The following FIGN variants were observed in gnomAD, a reference collection of about 807,000 sequenced individuals.
The protein encoded by FIGN is fidgetin, microtubule severing factor.
Under a neutral mutation model 51.3 loss-of-function variants are expected in FIGN, and 11 were observed. The ratio of observed to expected loss-of-function variants is 0.21; its 90% confidence interval spans 0.13 to 0.35. The LOEUF is 0.35. FIGN is among the 10% of genes least tolerant of loss of function. The pLI, the probability that FIGN is intolerant of heterozygous loss-of-function variation, is 1.00. For missense variants in FIGN, 857 were observed against 943.6 expected (o/e 0.91, Z 1.20); for synonymous variants, 407 against 363.2 (o/e 1.12, Z -1.37).
chr2:163,694,177 TG>T (rs1475530607), intron 2 of FIGN, among the ~76,000 whole-genome samples: 7 of 152,196 alleles, frequency 4.6e-5, no homozygotes, highest in Admixed American at 2.6e-4. Flanking sequence ...CAAAGATGCA[TG>T]CTCACCAGAG....
chr2:163,664,495 T>C (rs569617852), intron 2 of FIGN, among the ~76,000 whole-genome samples: 1 of 152,342 alleles, frequency 6.6e-6, no homozygotes, highest in East Asian at 1.9e-4. Flanking sequence ...CCATTAGTTC[T>C]TTCCCCGTCT....
intron 2 of FIGN, among the ~76,000 whole-genome samples, chr2:163,690,829 T>G (rs1684229080): frequency 6.6e-6 from 1 of 152,058 alleles, no homozygotes; most frequent in Non-Finnish European, 1.5e-5. Context: ...AATTTTAAAG[T>G]CATTGGAATT....
chr2:163,704,579 T>C (rs1424431089), intron 2 of FIGN, among the ~76,000 whole-genome samples: 1 of 150,834 alleles, frequency 6.6e-6, no homozygotes, highest in Non-Finnish European at 1.5e-5. Context: ...TTTGCCTTAA[T>C]ATTCCAATCT....
chr2:163,698,611 T>A (rs1189156536), intron 2 of FIGN, among the ~76,000 whole-genome samples: 1 of 152,120 alleles, frequency 6.6e-6, no homozygotes, highest in East Asian at 1.9e-4. Flanking sequence ...AATTTGAATC[T>A]CTGAATACAT....
chr2:163,677,176 T>C (rs942142405), intron 2 of FIGN, among the ~76,000 whole-genome samples: 3 of 152,194 alleles, frequency 2.0e-5, no homozygotes, highest in Non-Finnish European at 4.4e-5. Context: ...TGAAAGATGA[T>C]ATGGCTTATT....
intron 2 of FIGN, among the ~76,000 whole-genome samples, chr2:163,679,438 G>A (rs1359181733): frequency 6.6e-6 from 1 of 151,876 alleles, no homozygotes; most frequent in Non-Finnish European, 1.5e-5. Flanking sequence ...AGAGCTTGCA[G>A]TGAGCAGAGA....
At chr2:163,631,861 A>G (rs1336758886) in intron 2 of FIGN, among the ~76,000 whole-genome samples, 2 of 152,146 alleles carry the variant, frequency 1.3e-5, no homozygotes, top group Non-Finnish European at 2.9e-5. Flanking sequence ...TAAATATTTA[A>G]GGTAGGCTGG....
At chr2:163,705,555 T>A (rs529558451) in intron 2 of FIGN, among the ~76,000 whole-genome samples, 1 of 152,056 alleles carries the variant, frequency 6.6e-6, no homozygotes, top group South Asian at 2.1e-4. Flanking sequence ...AAAAAATACA[T>A]AAGTTGACAA....
Position 163,638,599 on chromosome 2 carries a change from T to C in FIGN, c.26-26793A>G, listed in dbSNP as rs1683261491. Among the ~76,000 whole-genome samples the C allele has an allele frequency of 4.6e-5, 7 of 152,302 alleles. No individual in the cohort carries two copies. The South Asian group carries it at 1.4e-3, about 32-fold the overall frequency. On this transcript the variant is annotated intron_variant, in intron 2 of 2. Coordinates refer to ENST00000333129, the MANE Select transcript of FIGN (RefSeq NM_018086.4). ...CAGGCACAAGCAAAAGGAAGAAATA[T>C]CAATTCCATTTGTTTGGAAGATGAA...
At chr2:163,725,929 G>A (rs949762111) in intron 2 of FIGN, among the ~76,000 whole-genome samples, 2 of 151,948 alleles carry the variant, frequency 1.3e-5, no homozygotes, top group Non-Finnish European at 2.9e-5. Context: ...TTTCTAAAGA[G>A]ATACCAGCTC....
intron 1 of FIGN, 111 bp from the exon 2 acceptor site, chr2:163,735,183 C>G (rs552782270): frequency 2.0e-6 from 1 of 487,910 alleles, no homozygotes; most frequent in Non-Finnish European, 3.6e-6. Flanking sequence ...AAGTCCATGT[C>G]AATTTCACTC....
intron 2 of FIGN, among the ~76,000 whole-genome samples, chr2:163,704,445 A>G (rs1168646081): frequency 6.6e-6 from 1 of 152,052 alleles, no homozygotes; most frequent in African/African-American, 2.4e-5. Flanking sequence ...TGTGACATTA[A>G]GCTAAATCTG....
intron 2 of FIGN, among the ~76,000 whole-genome samples, chr2:163,711,323 G>A (rs1053264078): frequency 6.6e-6 from 1 of 152,092 alleles, no homozygotes; most frequent in Non-Finnish European, 1.5e-5. Flanking sequence ...ATTGTCATGG[G>A]TAGTGAAACA....
chr2:163,661,740 A>G (rs1325963067), intron 2 of FIGN, among the ~76,000 whole-genome samples: 2 of 152,160 alleles, frequency 1.3e-5, no homozygotes, highest in Non-Finnish European at 2.9e-5. Flanking sequence ...GTGTTAGTGA[A>G]TAAGTCTCAC....
intron 2 of FIGN, among the ~76,000 whole-genome samples, chr2:163,716,637 G>A (rs2105360024): frequency 6.6e-6 from 1 of 152,198 alleles, no homozygotes; most frequent in Non-Finnish European, 1.5e-5. Flanking sequence ...GATTTCTTTT[G>A]TTTGAATAAC....
intron 2 of FIGN, among the ~76,000 whole-genome samples, chr2:163,660,871 A>G (rs13027624): frequency 2.2e-4 from 4 of 18,386 alleles, no homozygotes; most frequent in African/African-American, 6.8e-4. Flanking sequence ...ATATATATAT[A>G]TATATATATT....
intron 2 of FIGN, among the ~76,000 whole-genome samples, chr2:163,623,086 A>G (rs1168139252): frequency 2.6e-5 from 4 of 152,170 alleles, no homozygotes; most frequent in Non-Finnish European, 4.4e-5. Context: ...AAATCTGGGT[A>G]CCGATATGTG....
intron 2 of FIGN, among the ~76,000 whole-genome samples, chr2:163,715,930 C>T (rs1444136383): frequency 2.0e-5 from 3 of 152,206 alleles, no homozygotes; most frequent in East Asian, 1.9e-4. Context: ...ACTTAAAATG[C>T]CATTCTCTAA....
intron 2 of FIGN, among the ~76,000 whole-genome samples, chr2:163,612,749 CATAT>C (rs10592741): frequency 0.045 from 6,273 of 139,164 alleles, 207 homozygotes; most frequent in South Asian, 0.15. Context: ...TATACATCTT[CATAT>C]ATATATATAT....
Sources: allele counts gnomAD v4.1 joint callset (sites outside exome capture counted in the v4.1 genomes callset), GRCh38; gene constraint gnomAD v4.1.1; transcripts MANE v1.5; gene names NCBI Gene and HGNC (gene_info 2026-07-23, HGNC 2026-07-21).